The following VPS13C variants were observed in gnomAD, a reference collection of about 807,000 sequenced individuals.
The protein encoded by VPS13C is intermembrane lipid transfer protein VPS13C.
In VPS13C, 358 loss-of-function variants were observed where a neutral mutation model predicts 456.8. The observed-to-expected ratio is 0.78, with a 90% confidence interval of 0.72 to 0.86. The LOEUF (loss-of-function observed/expected upper bound fraction) is 0.86. Ranked by LOEUF, VPS13C falls within the 40% of genes least tolerant of loss-of-function variation. The pLI, the probability that VPS13C is intolerant of heterozygous loss-of-function variation, is 0.00. For synonymous variants in VPS13C, 1,578 were observed against 1,486.7 expected, an observed-to-expected ratio of 1.06 and a Z score of -1.41; for missense variants, 4,818 against 4,385.4, an observed-to-expected ratio of 1.10 and a Z score of -2.79.
chr15:61,992,044 T>C (rs1197568726), intron 16 of VPS13C, among the ~76,000 whole-genome samples: 3 of 152,154 alleles, frequency 2.0e-5, no homozygotes, highest in African/African-American at 2.4e-5. Flanking sequence ...ATGAGCAATA[T>C]AGTTAAGGTT....
Position 61,862,209 on chromosome 15 carries a change from A to G in VPS13C, c.10952+1231T>C, listed in dbSNP as rs74883825. 3.8e-3 allele frequency among the ~76,000 whole-genome samples: 574 copies of G among 152,250 alleles called. 4 individuals are homozygous for G. Among genetic ancestry groups the G allele is most frequent in the African/African-American group, 0.013 (539 of 41,546 alleles). On this transcript the variant is annotated intron_variant, in intron 82 of 84. Transcript: ENST00000644861. ...GGAAAAGGAAAGGAAAGGAGAAAAGAAAAGGAGTCTACTAAGTAAGGTTAG... is the reference window on the plus strand; with the variant it reads ...GGAAAAGGAAAGGAAAGGAGAAAAGGAAAGGAGTCTACTAAGTAAGGTTAG...
intron 47 of VPS13C, 40 bp downstream of exon 47, chr15:61,940,607 C>T: frequency 6.3e-7 from 1 of 1,578,870 alleles, no homozygotes; most frequent in Non-Finnish European, 8.6e-7. Flanking sequence ...CGAGAAAAGC[C>T]TATCAAGAAA....
chr15:61,947,170 T>G lies in VPS13C; in HGVS notation c.4876+23A>C, dbSNP rs746681150. ...AGTTATGTAAAGAAACAGAAATACC[T>G]ACAACAAGAAGTAACTACTTACCAT... On this transcript the variant is annotated intron_variant, in intron 43 of 84. Coordinates refer to ENST00000644861, the MANE Select transcript of VPS13C (RefSeq NM_020821.3). The G allele has an allele frequency of 4.2e-6, 6 of 1,444,860 alleles. No individual in the cohort carries two copies. In the South Asian group the frequency reaches 7.8e-5, roughly 19 times the overall value. The allele number at this position is 1,444,860 out of a possible 1,614,324, so 89.5% of individuals were successfully genotyped here. A position where few individuals can be genotyped will look rare whatever the true frequency, so the allele number is the denominator to read the frequency against.
rs73428661 is a variant in VPS13C at position 61,856,582 on chromosome 15, A to G, written c.10953-173T>C. 9.2e-3 allele frequency: 5,565 copies of G among 604,546 alleles called. 267 individuals carry two copies. In the African/African-American group the frequency reaches 0.096, roughly 10 times the overall value. The allele number at this position is 604,546 out of a possible 1,614,324, so 37.4% of individuals were successfully genotyped here. A position where few individuals can be genotyped will look rare whatever the true frequency, so the allele number is the denominator to read the frequency against. Reference sequence around the variant, plus strand: ...TTAAGTCTAGATAACTGTCAAATAAAGAGCAAATATGACACCTACCAAGCA... The same window carrying G: ...TTAAGTCTAGATAACTGTCAAATAAGGAGCAAATATGACACCTACCAAGCA... On this transcript the variant is annotated intron_variant, in intron 82 of 84. Transcript: ENST00000644861.
chr15:62,036,900 C>T (rs1044216118), intron 3 of VPS13C, among the ~76,000 whole-genome samples: 5 of 151,206 alleles, frequency 3.3e-5, no homozygotes, highest in Non-Finnish European at 5.9e-5. Flanking sequence ...AACCAAATCA[C>T]ACTTGAGCTT....
chr15:61,956,091 G>A (rs1359776289), intron 37 of VPS13C, among the ~76,000 whole-genome samples: 1 of 152,128 alleles, frequency 6.6e-6, no homozygotes, highest in Non-Finnish European at 1.5e-5. Flanking sequence ...CCCACTGACA[G>A]TGGACTGAAT....
intron 12 of VPS13C, among the ~76,000 whole-genome samples, 169 bp downstream of exon 12, chr15:62,011,938 G>A (rs951019770): frequency 3.3e-5 from 5 of 151,766 alleles, no homozygotes; most frequent in Admixed American, 6.6e-5. Flanking sequence ...TGTGTGTTAC[G>A]ATCTATTCCT....
intron 46 of VPS13C, 82 bp downstream of exon 46, chr15:61,941,681 C>G (rs2140259018): frequency 1.4e-6 from 2 of 1,414,968 alleles, no homozygotes; most frequent in East Asian, 4.7e-5. Flanking sequence ...CCACAAATTA[C>G]TACAACATTT....
chr15:61,912,047 C>A (rs375207598), intron 62 of VPS13C, 43 bp from the exon 63 acceptor site: 133 of 1,505,814 alleles, frequency 8.8e-5, no homozygotes, highest in Non-Finnish European at 9.9e-5. Flanking sequence ...TATTCAATGT[C>A]TTTGAAATAT....
intron 68 of VPS13C, 95 bp downstream of exon 68, chr15:61,884,033 C>A (rs566215283): frequency 5.2e-6 from 6 of 1,157,734 alleles, no homozygotes; most frequent in East Asian, 2.5e-5. Flanking sequence ...AAGTTCATTT[C>A]TGCACATGTC....
At chr15:61,919,247 C>G (rs1446716539) in intron 58 of VPS13C, 42 bp downstream of exon 58, 2 of 1,555,748 alleles carry the variant, frequency 1.3e-6, no homozygotes, top group East Asian at 4.8e-5. Context: ...TTAACCATTT[C>G]TTGGTACACT....
chr15:61,884,303 A>G (rs1896104548), intron 67 of VPS13C, 34 bp from the exon 68 acceptor site: 18 of 1,599,584 alleles, frequency 1.1e-5, no homozygotes, highest in South Asian at 6.8e-5. Flanking sequence ...TAAATTAGCA[A>G]TATGTATTTA....
At chr15:61,996,786 T>C (rs1447464816) in intron 16 of VPS13C, among the ~76,000 whole-genome samples, 2 of 149,174 alleles carry the variant, frequency 1.3e-5, no homozygotes, top group Admixed American at 6.7e-5. Context: ...TGAAGATAGA[T>C]CAACAGAAAT....
In VPS13C at chr15:61,867,204, A is replaced by G; in HGVS notation, c.10863+1455T>C. On this transcript the variant is annotated intron_variant, in intron 81 of 84. Transcript: ENST00000644861. This position sits in a 1 kb window ranked among gnomAD's most constrained non-coding sequence, Gnocchi z 5.0. Reference sequence around the variant, plus strand: ...TCTATCTACATTAATTAAAACTAATAATTATGAAATAAGCATAACCAACAA... The same window carrying G: ...TCTATCTACATTAATTAAAACTAATGATTATGAAATAAGCATAACCAACAA... The G allele has an allele frequency of 1.0e-6, 1 of 982,726 alleles. No individual in the cohort carries two copies. Among genetic ancestry groups the G allele is most frequent in the Non-Finnish European group, 1.2e-6 (1 of 827,440 alleles). The allele number at this position is 982,726 out of a possible 1,614,324, so 60.9% of individuals were successfully genotyped here. A position where few individuals can be genotyped will look rare whatever the true frequency, so the allele number is the denominator to read the frequency against.
At chr15:61,960,770 A>G (rs530838068) in intron 35 of VPS13C, among the ~76,000 whole-genome samples, 2 of 152,308 alleles carry the variant, frequency 1.3e-5, no homozygotes, top group East Asian at 3.9e-4. Flanking sequence ...TTAAAACAAA[A>G]GTTGATTAAA....
intron 16 of VPS13C, among the ~76,000 whole-genome samples, chr15:61,998,967 T>C (rs889663895): frequency 2.6e-5 from 4 of 152,242 alleles, no homozygotes; most frequent in Admixed American, 6.5e-5. Context: ...GCTTACTTTA[T>C]TGTAAGAATA....
intron 67 of VPS13C, among the ~76,000 whole-genome samples, chr15:61,886,363 C>T (rs1896271527): frequency 6.6e-6 from 1 of 152,048 alleles, no homozygotes; most frequent in Non-Finnish European, 1.5e-5. Context: ...TTCAGCAGAG[C>T]TGTAGTTCCA....
At position 61,969,371 on chromosome 15, in the gene VPS13C, T is replaced by C; in HGVS notation, c.2839A>G (p.Thr947Ala). ...ACAGTTAAGTCAAATGTTCTCATTG[T>C]GGCCTCTGTTCCTAACTGAGTAACA... ...FNVTQLGTEA[T>A]MRTFDLTVVS... The change falls in exon 28 of 85, where the codon ACA (threonine) becomes GCA (alanine). Residue 947 changes from threonine to alanine, a missense_variant. By Grantham distance (58) the Thr-to-Ala change is moderately conservative. This residue lies in a region of VPS13C where 4,552 missense variants were observed against 4,130.6 expected (regional missense o/e 1.10). Transcript: ENST00000644861. 6.2e-7 allele frequency: 1 copy of C among 1,603,462 alleles called. No homozygotes were observed. The highest frequency in any genetic ancestry group is 8.5e-7 in the Non-Finnish European group (1 of 1,175,104).
Position 61,874,900 on chromosome 15 carries a change from T to A in VPS13C, c.10390A>T (p.Arg3464Ter), listed in dbSNP as rs1308411679. The change falls in exon 77 of 85, where the codon AGA becomes TGA. Residue 3464 changes from arginine (R) to a stop codon, truncating the protein, a stop_gained. Coordinates refer to ENST00000644861, the MANE Select transcript of VPS13C (RefSeq NM_020821.3). LOFTEE classifies it high-confidence loss of function. ...EFAEGLVIGV[R>*]SLFGHTVGGA... ...CCTACTGTGTGTCCAAAGAGGCTTC[T>A]CACTCCAATCACTAACCCCTCTGCA... The A allele has an allele frequency of 1.3e-6, 2 of 1,594,086 alleles. No homozygotes were observed. The highest frequency in any genetic ancestry group is 8.5e-7 in the Non-Finnish European group (1 of 1,171,320).
Sources: allele counts gnomAD v4.1 joint callset (sites outside exome capture counted in the v4.1 genomes callset), GRCh38; gene constraint gnomAD v4.1.1; regional missense constraint gnomAD v4.1.1; non-coding constraint Gnocchi (gnomAD v3.1); transcripts MANE v1.5; gene names NCBI Gene and HGNC (gene_info 2026-07-23, HGNC 2026-07-21).